PITPNA: variants seen among roughly 807,000 people sequenced by gnomAD.
PITPNA encodes the protein phosphatidylinositol transfer protein alpha isoform.
A neutral mutation model predicts 50.3 loss-of-function variants in PITPNA; 13 were observed. The ratio of observed to expected loss-of-function variants is 0.26; its 90% CI spans 0.17 to 0.41. The LOEUF (loss-of-function observed/expected upper bound fraction) is 0.41. PITPNA is among the 10% of genes least tolerant of loss of function. The probability of loss-of-function intolerance (pLI) is 1.00; values close to 1 mark genes in which losing one functional copy is unlikely to be tolerated. For missense variants in PITPNA, 207 were observed against 333.4 expected (o/e 0.62, Z 2.95); for synonymous variants, 120 against 119.6 (o/e 1.00, Z -0.02).
chr17:1,545,183 A>C (rs574798989), intron 4 of PITPNA, among the ~76,000 whole-genome samples: 3 of 152,274 alleles, frequency 2.0e-5, no homozygotes, highest in African/African-American at 7.2e-5. Flanking sequence ...ATCAGCTTCA[A>C]GGGAAAAAGA....
chr17:1,521,485 T>C, intron 11 of PITPNA, 94 bp downstream of exon 11: 1 of 819,954 alleles, frequency 1.2e-6, no homozygotes, highest in Non-Finnish European at 2.2e-6. Flanking sequence ...GAAGGAGGAA[T>C]AGGTTTTCTG....
At chr17:1,552,859 A>G (rs988633861) in intron 3 of PITPNA, 145 bp downstream of exon 3, 5 of 824,464 alleles carry the variant, frequency 6.1e-6, no homozygotes, top group Non-Finnish European at 9.5e-6. Context: ...ATGTGAGTAT[A>G]ACATTTATAC....
At position 1,518,073 on chromosome 17, in the gene PITPNA, A is replaced by C. The variant is rs962433004; in HGVS notation, c.*2488T>G. 1 of 152,670 alleles carries C rather than the reference A, an allele frequency of 6.6e-6. No homozygotes were observed. The highest frequency in any genetic ancestry group is 1.5e-5 in the Non-Finnish European group (1 of 68,046). The allele number at this position is 152,670 out of a possible 1,614,324, so 9.5% of individuals were successfully genotyped here. ...AGACAAAAAGGCACAAACTCACATT[A>C]AATAAACAAGGTAATCTAATCAATT... On this transcript the variant is annotated 3_prime_UTR_variant, in exon 12 of 12. Coordinates refer to ENST00000313486, the MANE Select transcript of PITPNA (RefSeq NM_006224.4).
intron 2 of PITPNA, among the ~76,000 whole-genome samples, chr17:1,555,067 C>T (rs2075728468): frequency 2.0e-5 from 3 of 152,112 alleles, no homozygotes; most frequent in South Asian, 4.1e-4. Flanking sequence ...AGAGAAGAGC[C>T]GTAAGAACAT....
At chr17:1,546,519 C>T (rs1301479823) in intron 4 of PITPNA, among the ~76,000 whole-genome samples, 1 of 152,174 alleles carries the variant, frequency 6.6e-6, no homozygotes, top group Non-Finnish European at 1.5e-5. Flanking sequence ...TCATCAGACT[C>T]TAGGGAGTAC....
At chr17:1,549,075 T>C (rs1404293478) in intron 3 of PITPNA, among the ~76,000 whole-genome samples, 1 of 150,954 alleles carries the variant, frequency 6.6e-6, no homozygotes, top group Non-Finnish European at 1.5e-5. Flanking sequence ...GCCCAGCTAA[T>C]TTTTGTATTT....
intron 6 of PITPNA, 125 bp downstream of exon 6, chr17:1,541,440 CA>C: frequency 1.4e-6 from 1 of 718,832 alleles, no homozygotes; most frequent in South Asian, 1.5e-5. Context: ...TAGGTCTAGG[CA>C]GAGGCCACTG....
chr17:1,521,590 G>C lies in PITPNA; in HGVS notation c.*11C>G, dbSNP rs752960423. The C allele has an allele frequency of 9.3e-6, 15 of 1,611,670 alleles. No individual in the cohort carries two copies. In the East Asian group the frequency reaches 3.3e-4, roughly 36 times the overall value. On this transcript the variant is annotated 3_prime_UTR_variant, in exon 11 of 12. Coordinates refer to ENST00000313486, the MANE Select transcript of PITPNA (RefSeq NM_006224.4). ...AATTTGGTACGTACAGTGCAGAGGG[G>C]AAAGGCGGCTTTAGTCATCTGCTGT...
intron 10 of PITPNA, among the ~76,000 whole-genome samples, chr17:1,526,105 G>T (rs780603357): frequency 6.6e-6 from 1 of 152,198 alleles, no homozygotes; most frequent in Non-Finnish European, 1.5e-5. Flanking sequence ...AACACCTTGT[G>T]CTTCAAGGCG....
chr17:1,522,142 G>A (rs1010555528), intron 10 of PITPNA, among the ~76,000 whole-genome samples: 1 of 150,410 alleles, frequency 6.6e-6, no homozygotes, highest in African/African-American at 2.5e-5. Context: ...CGCAATCTCG[G>A]CTCACTGCAA....
Position 1,520,422 on chromosome 17 carries a change from C to A in PITPNA, c.*139G>T, listed in dbSNP as rs1373846704. 1 of 152,628 alleles carries A rather than the reference C, an allele frequency of 6.6e-6. No homozygotes were observed. Among genetic ancestry groups the A allele is most frequent in the Admixed American group, 6.5e-5 (1 of 15,276 alleles). 9.5% of individuals were successfully genotyped at this position (152,628 alleles called of 1,614,324 possible). ...ACTGAAGGGCATCTAGAATTAGCTA[C>A]AGTAAGGAATCGAAAGTTGCCTGAA... On this transcript the variant is annotated 3_prime_UTR_variant, in exon 12 of 12. Coordinates refer to ENST00000313486, the MANE Select transcript of PITPNA (RefSeq NM_006224.4).
chr17:1,562,453 G>A lies in PITPNA; in HGVS notation c.20+88C>T, dbSNP rs970734051. On this transcript the variant is annotated intron_variant, in intron 1 of 11. Transcript: ENST00000313486. The surrounding 1 kb of genome is among the most constrained non-coding windows in gnomAD (Gnocchi z 6.4). Reference sequence around the variant, plus strand: ...GTCCCTGCTGCCCCTCCGTCCATCCGGGCCCTGCGTCCCTCGCCGCGCCGT... The same window carrying A: ...GTCCCTGCTGCCCCTCCGTCCATCCAGGCCCTGCGTCCCTCGCCGCGCCGT... 6.7e-5 allele frequency: 74 copies of A among 1,104,780 alleles called. No individual in the cohort carries two copies. Among genetic ancestry groups the A allele is most frequent in the Middle Eastern group, 2.2e-4 (1 of 4,526 alleles). 68.4% of individuals were successfully genotyped at this position (1,104,780 alleles called of 1,614,324 possible). A position where few individuals can be genotyped will look rare whatever the true frequency, so the allele number is the denominator to read the frequency against.
chr17:1,520,189 A>T lies in PITPNA; in HGVS notation c.*372T>A, dbSNP rs763599824. On this transcript the variant is annotated 3_prime_UTR_variant, in exon 12 of 12. Transcript: ENST00000313486. ...AGAACAAATGAACTTAAATCATTTAAATCACCACATCACAAAAGGCAGCTA... is the reference window on the plus strand; with the variant it reads ...AGAACAAATGAACTTAAATCATTTATATCACCACATCACAAAAGGCAGCTA... 4 of 152,332 alleles carry T rather than the reference A, an allele frequency of 2.6e-5. No individual in the cohort carries two copies. Among genetic ancestry groups the T allele is most frequent in the African/African-American group, 4.8e-5 (2 of 41,470 alleles). The allele number at this position is 152,332 out of a possible 1,614,324, so 9.4% of individuals were successfully genotyped here. A position where few individuals can be genotyped will look rare whatever the true frequency, so the allele number is the denominator to read the frequency against.
intron 3 of PITPNA, among the ~76,000 whole-genome samples, chr17:1,549,256 GC>G (rs2075695253): frequency 6.8e-6 from 1 of 146,256 alleles, no homozygotes; most frequent in African/African-American, 2.5e-5. Flanking sequence ...TACAGTATAA[GC>G]CCCCTGCTTT....
chr17:1,542,129 G>C (rs1170937403), intron 5 of PITPNA, among the ~76,000 whole-genome samples: 1 of 152,044 alleles, frequency 6.6e-6, no homozygotes, highest in East Asian at 1.9e-4. Flanking sequence ...GAACCCAGGA[G>C]GCAGAAGCTG....
chr17:1,538,786 TG>T lies in PITPNA; in HGVS notation c.456+82del, dbSNP rs572658485. The stretch of plus-strand genomic sequence containing the variant: ...ATCAGAATTTCCTTTTGTGCCAAGT[TG>T]GGTATGGTTTCCTGGTTTCTTTAGC... On this transcript the variant is annotated intron_variant, in intron 7 of 11. Transcript: ENST00000313486. The T allele has an allele frequency of 1.4e-4, 111 of 773,642 alleles. 1 individual carries two copies. The African/African-American group carries it at 1.5e-3, about 11-fold the overall frequency. The allele number at this position is 773,642 out of a possible 1,614,324, so 47.9% of individuals were successfully genotyped here.
chr17:1,526,156 A>C (rs1431367508), intron 10 of PITPNA, among the ~76,000 whole-genome samples: 1 of 152,242 alleles, frequency 6.6e-6, no homozygotes, highest in African/African-American at 2.4e-5. Context: ...AAAGACACAG[A>C]ATAGGATAAA....
At chr17:1,535,635 A>C (rs957101362) in intron 7 of PITPNA, 117 bp from the exon 8 acceptor site, 12 of 720,244 alleles carry the variant, frequency 1.7e-5, no homozygotes, top group Non-Finnish European at 3.1e-5. Context: ...GATGGCACAA[A>C]GCAAATATGG....
intron 7 of PITPNA, among the ~76,000 whole-genome samples, chr17:1,537,458 C>T (rs2075624874): frequency 6.7e-6 from 1 of 148,612 alleles, no homozygotes; most frequent in African/African-American, 2.6e-5. Flanking sequence ...CTCGGTCTCC[C>T]AAAGTGCTGG....
Sources: gnomAD v4.1 joint callset for allele counts (sites outside exome capture counted in the v4.1 genomes callset) on GRCh38, gnomAD v4.1.1 for gene constraint, Gnocchi (gnomAD v3.1) non-coding constraint, MANE v1.5 for transcripts, NCBI Gene and HGNC (gene_info 2026-07-23, HGNC 2026-07-21) for gene names.